Variants in KLHL32 observed in about 807,000 individuals in gnomAD.
KLHL32 encodes kelch-like protein 32.
KLHL32 carries 35 observed loss-of-function variants against 64.8 expected under a neutral mutation model. The ratio of observed to expected loss-of-function variants is 0.54; its 90% CI spans 0.41 to 0.72. The LOEUF (loss-of-function observed/expected upper bound fraction) is 0.72, where lower values mean the gene tolerates loss of function less well. KLHL32 is among the 30% of genes least tolerant of loss of function. KLHL32 has a pLI of 0.00. For missense variants in KLHL32, 589 were observed against 768.5 expected, an observed-to-expected ratio of 0.77 and a Z score of 2.76; for synonymous variants, 259 against 281.0, an observed-to-expected ratio of 0.92 and a Z score of 0.78.
intron 6 of KLHL32, among the ~76,000 whole-genome samples, chr6:97,103,219 T>G (rs1020729511): frequency 2.7e-5 from 4 of 149,606 alleles, no homozygotes; most frequent in African/African-American, 9.8e-5. Context: ...TTATCTTTTT[T>G]TTTTTTTTTT....
intron 1 of KLHL32, among the ~76,000 whole-genome samples, chr6:96,966,594 C>T (rs1311846452): frequency 1.3e-5 from 2 of 152,044 alleles, no homozygotes; most frequent in African/African-American, 2.4e-5. Context: ...AATTTAATTC[C>T]ACTAATCATA....
chr6:96,902,456 T>C, the KLHL32 span, among the ~76,000 whole-genome samples: 4 of 152,214 alleles, frequency 2.6e-5, no homozygotes, highest in African/African-American at 9.6e-5. Context: ...ATTTGTTTGT[T>C]TCTTGTAAAT....
chr6:96,996,243 A>G (rs1020981776), intron 3 of KLHL32, among the ~76,000 whole-genome samples: 2 of 152,322 alleles, frequency 1.3e-5, no homozygotes, highest in African/African-American at 2.4e-5. Context: ...ATAACTTCGT[A>G]TATGTGTTGG....
rs538245724 is a variant in KLHL32 at position 96,995,251 on chromosome 6, G to A, written c.204+19074G>A. On this transcript the variant is annotated intron_variant, in intron 3 of 10. Transcript: ENST00000369261. ...TGGTCATGTTCTGCCTAGGTGTTAC[G>A]GTGAAGGAAGTTCAGTTAATTGTTA... is the stretch of plus-strand genomic sequence containing the variant. 1.8e-4 allele frequency among the ~76,000 whole-genome samples: 28 copies of A among 152,250 alleles called. No homozygotes were observed. In the South Asian group the frequency reaches 5.4e-3, roughly 29 times the overall value.
At chr6:97,024,212 T>G (rs1782401245) in intron 3 of KLHL32, among the ~76,000 whole-genome samples, 1 of 152,212 alleles carries the variant, frequency 6.6e-6, no homozygotes, top group Admixed American at 6.5e-5. Context: ...ACCTGGCATT[T>G]TATAAACGGG....
intron 3 of KLHL32, among the ~76,000 whole-genome samples, chr6:97,013,816 C>T (rs1188748778): frequency 6.6e-6 from 1 of 152,206 alleles, no homozygotes; most frequent in Non-Finnish European, 1.5e-5. Flanking sequence ...GCCAACTTTG[C>T]AACTTGCTGT....
At chr6:96,930,280 T>A (rs1769698978) in intron 1 of KLHL32, among the ~76,000 whole-genome samples, 1 of 152,212 alleles carries the variant, frequency 6.6e-6, no homozygotes. Flanking sequence ...TTTATGATTT[T>A]TAGTTCTACA....
At chr6:96,989,025 A>C (rs1777511396) in intron 3 of KLHL32, among the ~76,000 whole-genome samples, 1 of 152,222 alleles carries the variant, frequency 6.6e-6, no homozygotes. Flanking sequence ...TAATGGGTGC[A>C]GCACACCAGC....
intron 6 of KLHL32, among the ~76,000 whole-genome samples, chr6:97,113,539 C>T (rs1360341814): frequency 6.6e-6 from 1 of 152,078 alleles, no homozygotes; most frequent in Non-Finnish European, 1.5e-5. Flanking sequence ...TATCTGAAGC[C>T]CCCATCAGTG....
At chr6:96,995,578 G>C (rs1350552051) in intron 3 of KLHL32, among the ~76,000 whole-genome samples, 1 of 152,024 alleles carries the variant, frequency 6.6e-6, no homozygotes, top group Admixed American at 6.6e-5. Flanking sequence ...TTGTTCCCTT[G>C]TCTGTTTATC....
At chr6:97,028,144 T>C (rs186179987) in intron 3 of KLHL32, among the ~76,000 whole-genome samples, 1 of 152,192 alleles carries the variant, frequency 6.6e-6, no homozygotes, top group Admixed American at 6.6e-5. Context: ...AACATTTATG[T>C]GCATGTGGTT....
the KLHL32 span, among the ~76,000 whole-genome samples, chr6:96,917,881 G>T: frequency 3.3e-5 from 5 of 152,184 alleles, no homozygotes; most frequent in Non-Finnish European, 7.4e-5. Context: ...TGAGACTGAG[G>T]TCTATGCGTA....
At chr6:97,092,209 T>G (rs1488090651) in intron 6 of KLHL32, among the ~76,000 whole-genome samples, 1 of 152,154 alleles carries the variant, frequency 6.6e-6, no homozygotes, top group Non-Finnish European at 1.5e-5. Flanking sequence ...CAGGATGGTC[T>G]CGATCTCCTG....
At chr6:97,120,718 G>A (rs141063126) in intron 7 of KLHL32, among the ~76,000 whole-genome samples, 6 of 152,252 alleles carry the variant, frequency 3.9e-5, no homozygotes, top group Admixed American at 6.5e-5. Flanking sequence ...CCCTGGAGGC[G>A]GCCATGATGT....
At chr6:97,071,883 C>T (rs191606571) in intron 5 of KLHL32, among the ~76,000 whole-genome samples, 4 of 152,292 alleles carry the variant, frequency 2.6e-5, no homozygotes, top group Admixed American at 2.6e-4. Flanking sequence ...CTAATCAACA[C>T]TGGACAATCT....
At chr6:97,099,662 A>G (rs577844601) in intron 6 of KLHL32, among the ~76,000 whole-genome samples, 220 of 152,184 alleles carry the variant, frequency 1.4e-3, no homozygotes, top group Middle Eastern at 3.4e-3. Context: ...ACTTCTTTGC[A>G]TGACTGCTGC....
intron 1 of KLHL32, among the ~76,000 whole-genome samples, chr6:96,955,376 G>C (rs1773130320): frequency 6.6e-6 from 1 of 152,020 alleles, no homozygotes; most frequent in East Asian, 1.9e-4. Flanking sequence ...CAACTGTTCT[G>C]TTCTCTATCT....
At chr6:97,084,656 T>G (rs1183272395) in intron 5 of KLHL32, among the ~76,000 whole-genome samples, 1 of 152,188 alleles carries the variant, frequency 6.6e-6, no homozygotes, top group South Asian at 2.1e-4. Context: ...AAGACCTACT[T>G]AGTTTGAAGT....
chr6:96,911,824 CTTTTT>C, the KLHL32 span, among the ~76,000 whole-genome samples: 20 of 54,082 alleles, frequency 3.7e-4, no homozygotes, highest in African/African-American at 8.6e-4. Flanking sequence ...CTCGGTCCTT[CTTTTT>C]TTTTTTTTTT....
Sources: gnomAD v4.1 joint callset for allele counts (sites outside exome capture counted in the v4.1 genomes callset) on GRCh38, gnomAD v4.1.1 for gene constraint, MANE v1.5 for transcripts, NCBI Gene and HGNC (gene_info 2026-07-23, HGNC 2026-07-21) for gene names.